SYN3: variants seen among roughly 807,000 people sequenced by gnomAD.
SYN3 encodes the protein synapsin III, also known as synapsin-3.
SYN3 carries 35 observed loss-of-function variants against 65.8 expected under a neutral mutation model. The observed-to-expected ratio is 0.53, with a 90% confidence interval of 0.41 to 0.70. SYN3 has a LOEUF of 0.70. Among genes scored for constraint, SYN3 ranks in the 30% least tolerant of loss-of-function variants. The pLI is 0.00. For missense variants in SYN3, 680 were observed against 749.0 expected (o/e 0.91, Z 1.08); for synonymous variants, 270 against 292.9 (o/e 0.92, Z 0.80).
intron 6 of SYN3, among the ~76,000 whole-genome samples, chr22:32,618,689 C>T (rs2059554556): frequency 6.6e-6 from 1 of 152,140 alleles, no homozygotes; most frequent in African/African-American, 2.4e-5. Flanking sequence ...CAATCTCAGG[C>T]CCTGGGACTT....
At chr22:32,810,400 T>C (rs1470835604) in intron 6 of SYN3, among the ~76,000 whole-genome samples, 2 of 152,098 alleles carry the variant, frequency 1.3e-5, no homozygotes, top group African/African-American at 4.8e-5. Context: ...TATAAGTGTT[T>C]CCAAGCCTGC....
chr22:32,689,428 G>A (rs971704653), intron 6 of SYN3, among the ~76,000 whole-genome samples: 1 of 152,180 alleles, frequency 6.6e-6, no homozygotes, highest in Non-Finnish European at 1.5e-5. Flanking sequence ...GAGAATTGGA[G>A]TAAGATACAG....
chr22:32,862,131 T>G (rs2048559959), intron 6 of SYN3: 1 of 152,550 alleles, frequency 6.6e-6, no homozygotes, highest in South Asian at 2.1e-4. Context: ...GTTCTTGTTC[T>G]GTGTCACTCG....
rs914673753 is a variant in SYN3 at position 32,552,353 on chromosome 22, T to C, written c.775-10640A>G. ...TATCCAGAGGTGTTTGAGAGGAAGA[T>C]TGGAGATGTACATAAAATATAATTG... On this transcript the variant is annotated intron_variant, in intron 7 of 13. Coordinates refer to ENST00000358763, the MANE Select transcript of SYN3 (RefSeq NM_003490.4). Among the ~76,000 whole-genome samples the C allele has an allele frequency of 3.9e-5, 6 of 152,024 alleles. 1 individual carries two copies. Among genetic ancestry groups the C allele is most frequent in the Admixed American group, 1.3e-4 (2 of 15,266 alleles).
chr22:32,695,729 C>T (rs1204501419), intron 6 of SYN3, among the ~76,000 whole-genome samples: 1 of 152,194 alleles, frequency 6.6e-6, no homozygotes, highest in Non-Finnish European at 1.5e-5. Flanking sequence ...TACTGGCTAT[C>T]CACATAGTGC....
intron 7 of SYN3, among the ~76,000 whole-genome samples, chr22:32,565,087 A>G (rs1271331056): frequency 6.7e-6 from 1 of 149,824 alleles, no homozygotes; most frequent in African/African-American, 2.5e-5. Flanking sequence ...ACTGTACACA[A>G]ACAGTGCTCC....
At chr22:33,021,706 C>G (rs572856379) in intron 1 of SYN3, among the ~76,000 whole-genome samples, 2 of 152,300 alleles carry the variant, frequency 1.3e-5, no homozygotes, top group African/African-American at 4.8e-5. Context: ...CTGACTGCCA[C>G]TGTCTGGTAC....
At chr22:32,789,021 C>T (rs1035359335) in intron 6 of SYN3, among the ~76,000 whole-genome samples, 10 of 152,214 alleles carry the variant, frequency 6.6e-5, no homozygotes, top group Admixed American at 2.6e-4. Context: ...GGCCAAGGGG[C>T]GGCCAGGGTA....
chr22:33,054,171 A>G (rs1015287107), intron 1 of SYN3, among the ~76,000 whole-genome samples: 11 of 152,262 alleles, frequency 7.2e-5, no homozygotes, highest in African/African-American at 2.4e-4. Context: ...GAACTCATCC[A>G]TTTTATTGGC....
chr22:33,015,280 A>T, intron 1 of SYN3: 1 of 573,036 alleles, frequency 1.7e-6, no homozygotes, highest in Non-Finnish European at 2.8e-6. Flanking sequence ...AAAGGAGCAG[A>T]CTATTTTAAA....
intron 7 of SYN3, among the ~76,000 whole-genome samples, chr22:32,575,614 C>T (rs999202700): frequency 6.6e-6 from 1 of 152,168 alleles, no homozygotes; most frequent in Admixed American, 6.5e-5. Context: ...CCTCCACTCA[C>T]CAAGAGAGCA....
intron 12 of SYN3, among the ~76,000 whole-genome samples, chr22:32,519,861 T>C (rs1235892917): frequency 1.3e-5 from 2 of 152,112 alleles, no homozygotes; most frequent in East Asian, 3.9e-4. Flanking sequence ...GTTAGGAGAC[T>C]GAAAACTAAA....
intron 1 of SYN3, among the ~76,000 whole-genome samples, chr22:33,051,637 C>A (rs1423681586): frequency 2.6e-5 from 4 of 152,006 alleles, no homozygotes; most frequent in Admixed American, 6.6e-5. Flanking sequence ...AGAGCCCCAG[C>A]CTGGGACACC....
chr22:32,594,428 A>T (rs1308945147), intron 7 of SYN3, among the ~76,000 whole-genome samples: 2 of 152,056 alleles, frequency 1.3e-5, no homozygotes, highest in African/African-American at 2.4e-5. Flanking sequence ...GTTTATGAAG[A>T]TGTCCAAGCT....
At chr22:32,919,045 G>A (rs73405259) in intron 4 of SYN3, among the ~76,000 whole-genome samples, 2,918 of 152,258 alleles carry the variant, frequency 0.019, 111 homozygotes, top group African/African-American at 0.067. Context: ...GGAGAGAAGC[G>A]GGCACAGAAG....
At chr22:32,953,186 G>A (rs1341816777) in intron 3 of SYN3, among the ~76,000 whole-genome samples, 1 of 152,168 alleles carries the variant, frequency 6.6e-6, no homozygotes, top group Admixed American at 6.5e-5. Flanking sequence ...CAAAGCTATT[G>A]CACCAGAGAG....
Position 32,751,095 on chromosome 22 carries a change from C to T in SYN3, c.711+113820G>A, listed in dbSNP as rs117306615. ...AGGACCAGGAGCCCTGAGCCCAGCC[C>T]CCAGCCCCCAGCCCCCAGCCGGTGT... On this transcript the variant is annotated intron_variant, in intron 6 of 13. Coordinates refer to ENST00000358763, the MANE Select transcript of SYN3 (RefSeq NM_003490.4). Among the ~76,000 whole-genome samples the T allele has an allele frequency of 3.6e-3, 552 of 152,062 alleles. 1 individual carries two copies. Among genetic ancestry groups the T allele is most frequent in the Middle Eastern group, 0.01 (3 of 294 alleles).
intron 6 of SYN3, among the ~76,000 whole-genome samples, chr22:32,809,141 AT>A (rs1033256369): frequency 6.6e-6 from 1 of 152,238 alleles, no homozygotes; most frequent in African/African-American, 2.4e-5. Context: ...CCTATCAGTC[AT>A]CCCAGCTGCC....
At chr22:32,916,692 C>T (rs1383653843) in intron 4 of SYN3, among the ~76,000 whole-genome samples, 1 of 152,156 alleles carries the variant, frequency 6.6e-6, no homozygotes, top group Non-Finnish European at 1.5e-5. Flanking sequence ...ATGCAAACTC[C>T]TGGGTCTCAC....
Sources: allele counts gnomAD v4.1 joint callset (sites outside exome capture counted in the v4.1 genomes callset), GRCh38; gene constraint gnomAD v4.1.1; transcripts MANE v1.5; gene names NCBI Gene and HGNC (gene_info 2026-07-23, HGNC 2026-07-21).